Variants in TNKS observed in about 807,000 individuals in gnomAD.
TNKS encodes the protein tankyrase.
A neutral mutation model predicts 135.8 loss-of-function variants in TNKS; 72 were observed. The ratio of observed to expected loss-of-function variants is 0.53; its 90% CI spans 0.44 to 0.64. TNKS has a LOEUF of 0.64. Ranked by LOEUF, TNKS falls within the 30% of genes least tolerant of loss-of-function variation. The probability of loss-of-function intolerance (pLI) is 0.00; values close to 1 mark genes in which losing one functional copy is unlikely to be tolerated. For synonymous variants in TNKS, 849 were observed against 649.3 expected, an observed-to-expected ratio of 1.31 and a Z score of -4.68; for missense variants, 1,769 against 1,674.0, an observed-to-expected ratio of 1.06 and a Z score of -0.99.
intron 2 of TNKS, among the ~76,000 whole-genome samples, chr8:9,599,478 G>A (rs926195129): frequency 3.3e-5 from 5 of 152,212 alleles, no homozygotes; most frequent in Non-Finnish European, 5.9e-5. Flanking sequence ...CAGTTACTAA[G>A]GATTGAGCAG....
At chr8:9,749,945 C>G (rs1806434758) in intron 18 of TNKS, among the ~76,000 whole-genome samples, 1 of 152,212 alleles carries the variant, frequency 6.6e-6, no homozygotes, top group Non-Finnish European at 1.5e-5. Flanking sequence ...TTAGTCCAAA[C>G]TAGTACAACT....
chr8:9,645,343 C>T (rs1203253997), intron 3 of TNKS, among the ~76,000 whole-genome samples: 3 of 152,206 alleles, frequency 2.0e-5, no homozygotes, highest in Non-Finnish European at 4.4e-5. Flanking sequence ...CCACAGTGGT[C>T]AGAGTTTTCA....
chr8:9,758,675 C>G (rs544135639), intron 20 of TNKS, among the ~76,000 whole-genome samples: 3 of 152,190 alleles, frequency 2.0e-5, no homozygotes, highest in African/African-American at 7.2e-5. Context: ...TGGGGACTCA[C>G]CTGGCAAGGG....
intron 12 of TNKS, among the ~76,000 whole-genome samples, chr8:9,724,626 C>G (rs1805072243): frequency 6.6e-6 from 1 of 152,134 alleles, no homozygotes. Flanking sequence ...TCAGCTAATA[C>G]ATTTTTCGCA....
Position 9,781,451 on chromosome 8 carries a change from C to T in TNKS, c.*4715C>T, listed in dbSNP as rs1808454036. 1 of 152,142 alleles carries T rather than the reference C, an allele frequency of 6.6e-6. No homozygotes were observed. The highest frequency in any genetic ancestry group is 2.4e-5 in the African/African-American group (1 of 41,434). The allele number at this position is 152,142 out of a possible 1,614,324, so 9.4% of individuals were successfully genotyped here. On this transcript the variant is annotated 3_prime_UTR_variant, in exon 27 of 27. Transcript: ENST00000310430. ...AGGATGAAAGGCTAGAAAACCCATT[C>T]AAAGTTAGGAAAGAACACAGATCTT... is the stretch of plus-strand genomic sequence containing the variant.
rs1405804391 is a variant in TNKS, at chr8:9,770,187, G to A, written c.3822G>A (p.Gly1274=). Residue 1274 remains glycine (G), a synonymous_variant, in exon 26 of 27, where the codon GGG becomes GGA. Transcript: ENST00000310430. The stretch of plus-strand genomic sequence containing the variant: ...TGAAAATGGCCCACGCGCCTCCAGG[G>A]CACCACTCAGTCATTGGTAGACCGA... ...STMKMAHAPP[G]HHSVIGRPSV... is the part of the protein sequence containing the mutation. 10 of 1,613,260 alleles carry A rather than the reference G, an allele frequency of 6.2e-6. No individual in the cohort carries two copies. Among genetic ancestry groups the A allele is most frequent in the Non-Finnish European group, 8.5e-6 (10 of 1,179,946 alleles).
At chr8:9,620,293 T>G (rs1400895274) in intron 3 of TNKS, among the ~76,000 whole-genome samples, 1 of 152,114 alleles carries the variant, frequency 6.6e-6, no homozygotes, top group East Asian at 1.9e-4. Flanking sequence ...CTATCAGTAA[T>G]TCAGGTCTAC....
At chr8:9,721,205 G>A (rs940654929) in intron 12 of TNKS, among the ~76,000 whole-genome samples, 4 of 150,376 alleles carry the variant, frequency 2.7e-5, no homozygotes, top group African/African-American at 4.9e-5. Flanking sequence ...TTGCTTGAAC[G>A]CGGGAGGCGG....
intron 26 of TNKS, 94 bp from the exon 27 acceptor site, chr8:9,776,556 C>G: frequency 1.7e-6 from 2 of 1,144,602 alleles, no homozygotes; most frequent in South Asian, 2.7e-5. Context: ...GAATATTGGT[C>G]ACGATTAACA....
intron 13 of TNKS, among the ~76,000 whole-genome samples, chr8:9,730,143 C>T (rs531212903): frequency 6.6e-6 from 1 of 152,248 alleles, no homozygotes; most frequent in South Asian, 2.1e-4. Flanking sequence ...ACCAGTGATA[C>T]AGTCTTTCAT....
At chr8:9,743,527 A>T (rs1017124397) in intron 17 of TNKS, 1 of 152,178 alleles carries the variant, frequency 6.6e-6, no homozygotes, top group African/African-American at 2.4e-5. Context: ...GAGACCATGC[A>T]TGTGGAAATT....
chr8:9,673,141 C>G (rs1238029390), intron 3 of TNKS, among the ~76,000 whole-genome samples: 22 of 152,054 alleles, frequency 1.4e-4, no homozygotes, highest in Admixed American at 1.4e-3. Context: ...GAAACAAGTA[C>G]AAATGATTGG....
At chr8:9,597,432 C>T (rs1008081380) in intron 2 of TNKS, among the ~76,000 whole-genome samples, 7 of 151,020 alleles carry the variant, frequency 4.6e-5, no homozygotes, top group South Asian at 4.1e-4. Context: ...TTACCATCAG[C>T]GTGAATTTGT....
chr8:9,770,619 C>T (rs118060498), intron 26 of TNKS, among the ~76,000 whole-genome samples: 2,093 of 152,188 alleles, frequency 0.014, 17 homozygotes, highest in Non-Finnish European at 0.023. Flanking sequence ...GATGTACATG[C>T]CACAGGATTT....
At chr8:9,681,465 G>T (rs1373786722) in intron 5 of TNKS, among the ~76,000 whole-genome samples, 2 of 152,104 alleles carry the variant, frequency 1.3e-5, no homozygotes, top group East Asian at 3.9e-4. Flanking sequence ...ATCCTTTATG[G>T]CTTTGGTAAT....
chr8:9,756,271 C>T (rs1204392210), intron 20 of TNKS, among the ~76,000 whole-genome samples: 1 of 151,954 alleles, frequency 6.6e-6, no homozygotes, highest in African/African-American at 2.4e-5. Context: ...TCCTGCTGTA[C>T]CATACAACCT....
intron 11 of TNKS, among the ~76,000 whole-genome samples, chr8:9,715,364 G>GC (rs1309685691): frequency 1.1e-5 from 1 of 94,286 alleles, no homozygotes; most frequent in African/African-American, 3.7e-5. Context: ...AGCAGCAGGG[G>GC]GGGCGGGTAT....
At chr8:9,729,422 C>G (rs1805314866) in intron 13 of TNKS, among the ~76,000 whole-genome samples, 2 of 152,140 alleles carry the variant, frequency 1.3e-5, no homozygotes, top group Non-Finnish European at 2.9e-5. Flanking sequence ...CCCCAGGGAC[C>G]CTGCAATCGT....
intron 3 of TNKS, among the ~76,000 whole-genome samples, chr8:9,630,898 A>T (rs960915291): frequency 3.3e-5 from 5 of 152,234 alleles, no homozygotes; most frequent in Non-Finnish European, 7.4e-5. Flanking sequence ...AAATAATTTT[A>T]TCCAGAAATT....
Sources: allele counts gnomAD v4.1 joint callset (sites outside exome capture counted in the v4.1 genomes callset), GRCh38; gene constraint gnomAD v4.1.1; transcripts MANE v1.5; gene names NCBI Gene and HGNC (gene_info 2026-07-23, HGNC 2026-07-21).